Variants in FOXJ2 observed in about 807,000 individuals in gnomAD.
The protein encoded by FOXJ2 is forkhead box protein J2.
FOXJ2 carries 18 observed loss-of-function variants against 68.4 expected under a neutral mutation model. The observed-to-expected ratio is 0.26, with a 90% CI of 0.18 to 0.39. The LOEUF (loss-of-function observed/expected upper bound fraction) is 0.39, where lower values mean the gene tolerates loss of function less well. Ranked by LOEUF, FOXJ2 falls within the 10% of genes least tolerant of loss-of-function variation. FOXJ2 has a pLI of 1.00. For synonymous variants in FOXJ2, 274 were observed against 263.2 expected (o/e 1.04, Z -0.40); for missense variants, 670 against 726.5 (o/e 0.92, Z 0.89).
Position 8,040,012 on chromosome 12 carries a change from A to G in FOXJ2, c.180A>G (p.Ala60=). 6.2e-7 allele frequency: 1 copy of G among 1,614,144 alleles called. No homozygotes were observed. Among genetic ancestry groups the G allele is most frequent in the African/African-American group, 1.3e-5 (1 of 75,038 alleles). ...CCACCCTGAGCAAAGACGAGGCAGCAGTGCACCAGGACGGCAAGCCACGAT... is the reference window on the plus strand; with the variant it reads ...CCACCCTGAGCAAAGACGAGGCAGCGGTGCACCAGGACGGCAAGCCACGAT... ...PNATLSKDEA[A]VHQDGKPRYS... The change falls in exon 2 of 11, where the codon GCA becomes GCG. Residue 60 remains alanine (A), a synonymous_variant. Transcript: ENST00000162391. The surrounding 1 kb of genome is among the most constrained non-coding windows in gnomAD (Gnocchi z 4.0).
chr12:8,046,025 CTG>C (rs1414665738), intron 6 of FOXJ2, among the ~76,000 whole-genome samples: 1 of 152,154 alleles, frequency 6.6e-6, no homozygotes, highest in Non-Finnish European at 1.5e-5. Context: ...TGAACTAAAA[CTG>C]TTTGGAGTCA....
chr12:8,040,279 T>C lies in FOXJ2; in HGVS notation c.333+114T>C. On this transcript the variant is annotated intron_variant, in intron 2 of 10. Transcript: ENST00000162391. The surrounding 1 kb of genome is among the most constrained non-coding windows in gnomAD (Gnocchi z 4.0). ...AGTTTACTCTGGTTTGTCTCAGAGA[T>C]GTGAAAACTTAAAATCTCATATGTT... 2 of 1,128,114 alleles carry C rather than the reference T, an allele frequency of 1.8e-6. No individual in the cohort carries two copies. Among genetic ancestry groups the C allele is most frequent in the East Asian group, 4.9e-5 (2 of 41,064 alleles). 69.9% of individuals were successfully genotyped at this position (1,128,114 alleles called of 1,614,324 possible). A position where few individuals can be genotyped will look rare whatever the true frequency, so the allele number is the denominator to read the frequency against.
At chr12:8,050,190 A>C in intron 9 of FOXJ2, 1 of 335,502 alleles carries the variant, frequency 3.0e-6, no homozygotes, top group Non-Finnish European at 4.6e-6. Context: ...CGCCCAGGCT[A>C]TCTTCAAACT....
In FOXJ2 at chr12:8,044,792, A is replaced by G; in HGVS notation, c.651A>G (p.Ala217=). 1.9e-6 allele frequency: 3 copies of G among 1,613,964 alleles called. No homozygotes were observed. The highest frequency in any genetic ancestry group is 2.5e-6 in the Non-Finnish European group (3 of 1,179,862). The change falls in exon 6 of 11, where the codon GCA becomes GCG. Residue 217 remains alanine (A), a synonymous_variant. Coordinates refer to ENST00000162391, the MANE Select transcript of FOXJ2 (RefSeq NM_018416.3). ...GATCTGTGGATGGTGGAGCAGTGGC[A>G]GCAGGGGCTTCAGGCCGAGAAAGTG... ...GTGSVDGGAV[A]AGASGRESAE...
In FOXJ2 at chr12:8,048,560, G is replaced by A. The variant is rs779930645; in HGVS notation, c.1226-137G>A. ...TTTCCAGTCCTAAACTCCCAGGGAG[G>A]GAGAGTCCAAAACTTGGAAATGCAA... On this transcript the variant is annotated intron_variant, in intron 7 of 10. Transcript: ENST00000162391. 18 of 1,131,496 alleles carry A rather than the reference G, an allele frequency of 1.6e-5. No homozygotes were observed. The East Asian group carries it at 4.0e-4, about 25-fold the overall frequency. 70.1% of individuals were successfully genotyped at this position (1,131,496 alleles called of 1,614,324 possible).
At chr12:8,042,174 G>A (rs1946975605) in intron 2 of FOXJ2, among the ~76,000 whole-genome samples, 1 of 152,170 alleles carries the variant, frequency 6.6e-6, no homozygotes, top group African/African-American at 2.4e-5. Context: ...CACCACGCCT[G>A]ACCCCAACAC....
In FOXJ2 at chr12:8,035,232, A is replaced by G. The variant is rs976303836; in HGVS notation, c.-15+1399A>G. Among the ~76,000 whole-genome samples the G allele has an allele frequency of 2.0e-5, 3 of 152,170 alleles. No individual in the cohort carries two copies. The highest frequency in any genetic ancestry group is 7.2e-5 in the African/African-American group (3 of 41,420). On this transcript the variant is annotated intron_variant, in intron 1 of 10. Transcript: ENST00000162391. The surrounding 1 kb of genome is among the most constrained non-coding windows in gnomAD (Gnocchi z 4.0). The stretch of plus-strand genomic sequence containing the variant: ...GGAGACAGGTACTTATGTGCTTTTC[A>G]GACTATACTCCAGTTACCTAGAATT...
chr12:8,044,711 G>T, intron 5 of FOXJ2, 49 bp from the exon 6 acceptor site: 1 of 1,599,002 alleles, frequency 6.3e-7, no homozygotes, highest in Non-Finnish European at 8.5e-7. Flanking sequence ...GGGTTTTATT[G>T]GTCCCTCAGC....
chr12:8,040,468 C>G lies in FOXJ2; in HGVS notation c.333+303C>G, dbSNP rs1279534378. ...ACAGAGTCTCGTACTGTCGCCTGGGCTGGGGTGCAATGGCATGATCTCGGC... is the reference window on the plus strand; with the variant it reads ...ACAGAGTCTCGTACTGTCGCCTGGGGTGGGGTGCAATGGCATGATCTCGGC... On this transcript the variant is annotated intron_variant, in intron 2 of 10. Coordinates refer to ENST00000162391, the MANE Select transcript of FOXJ2 (RefSeq NM_018416.3). The surrounding 1 kb of genome is among the most constrained non-coding windows in gnomAD (Gnocchi z 4.0). Among the ~76,000 whole-genome samples, 2 of 151,624 alleles carry G rather than the reference C, an allele frequency of 1.3e-5. No homozygotes were observed. The highest frequency in any genetic ancestry group is 1.5e-5 in the Non-Finnish European group (1 of 67,940).
At position 8,042,723 on chromosome 12, in the gene FOXJ2, C is replaced by T. The variant is rs763533392; in HGVS notation, c.399C>T (p.Asp133=). The change falls in exon 3 of 11, where the codon GAC becomes GAT. Residue 133 remains aspartate, a synonymous_variant. Transcript: ENST00000162391. ...CFRKVPRPRD[D]PGKGSYWTID... ...GGAAGGTGCCCAGACCTCGGGATGA[C>T]CCTGGGAAGGTAAGATACTACTGTA... 4.3e-6 allele frequency: 7 copies of T among 1,613,464 alleles called. No individual in the cohort carries two copies. Among genetic ancestry groups the T allele is most frequent in the Non-Finnish European group, 5.1e-6 (6 of 1,179,598 alleles).
intron 8 of FOXJ2, 50 bp downstream of exon 8, chr12:8,048,848 C>A: frequency 6.7e-7 from 1 of 1,503,270 alleles, no homozygotes; most frequent in Non-Finnish European, 9.2e-7. Context: ...TAAGGGAAAA[C>A]CCAGTAGAAA....
chr12:8,052,788 G>T lies in FOXJ2; in HGVS notation c.1663G>T (p.Val555Leu), dbSNP rs1373287926. Residue 555 changes from valine to leucine, a missense_variant, in exon 11 of 11, where the codon GTG (valine) becomes TTG (leucine). By Grantham distance (32) the Val-to-Leu change is conservative (BLOSUM62 1). This residue lies in a region of FOXJ2 where 555 missense variants were observed against 562.2 expected (regional missense o/e 0.99). Coordinates refer to ENST00000162391, the MANE Select transcript of FOXJ2 (RefSeq NM_018416.3). ...ACACCATATGGTCCCTCGGCCATCA[G>T]TGCCACCTCCTGGTGCCAATGAGGA... ...PAHHMVPRPS[V>L]PPPGANEEIP... The T allele has an allele frequency of 1.2e-6, 2 of 1,610,732 alleles. No homozygotes were observed. Among genetic ancestry groups the T allele is most frequent in the African/African-American group, 1.3e-5 (1 of 74,836 alleles).
chr12:8,041,602 C>G (rs749604032), intron 2 of FOXJ2, among the ~76,000 whole-genome samples: 3 of 151,788 alleles, frequency 2.0e-5, no homozygotes, highest in Non-Finnish European at 4.4e-5. Flanking sequence ...CAGCTTGAAC[C>G]TGGGCTCAAG....
intron 2 of FOXJ2, 44 bp from the exon 3 acceptor site, chr12:8,042,614 C>T (rs1450876517): frequency 1.3e-6 from 2 of 1,523,264 alleles, no homozygotes; most frequent in Non-Finnish European, 1.8e-6. Context: ...AAATGTTCTG[C>T]TCTGCATAAT....
chr12:8,039,758 C>T (rs750922073), intron 1 of FOXJ2, 61 bp from the exon 2 acceptor site: 2 of 1,393,514 alleles, frequency 1.4e-6, no homozygotes, highest in African/African-American at 2.9e-5. Flanking sequence ...TTCCCTCAAA[C>T]AAAAGGATTT....
chr12:8,049,494 A>G lies in FOXJ2; in HGVS notation c.1460A>G (p.His487Arg). The change falls in exon 9 of 11, where the codon CAC becomes CGC. Residue 487 changes from histidine to arginine, a missense_variant. His to Arg is a conservative substitution (Grantham distance 29). Around this residue, in one of 2 missense-constraint regions of FOXJ2, gnomAD observed 555 missense variants for 562.2 expected, o/e 0.99. Transcript: ENST00000162391. ...CACGTGCCCCCTCAAGGGGGTACCC[A>G]CCGCCCACCAGCCCCTGCCCGTATT... ...TGHVPPQGGT[H>R]RPPAPARIAD... 6.2e-7 allele frequency: 1 copy of G among 1,613,938 alleles called. No homozygotes were observed. The highest frequency in any genetic ancestry group is 8.5e-7 in the Non-Finnish European group (1 of 1,179,928).
Position 8,052,938 on chromosome 12 carries a change from C to G in FOXJ2, c.*88C>G. The G allele has an allele frequency of 2.1e-6, 2 of 963,798 alleles. No individual in the cohort carries two copies. Among genetic ancestry groups the G allele is most frequent in the Non-Finnish European group, 3.2e-6 (2 of 618,438 alleles). The allele number at this position is 963,798 out of a possible 1,614,324, so 59.7% of individuals were successfully genotyped here. On this transcript the variant is annotated 3_prime_UTR_variant, in exon 11 of 11. Coordinates refer to ENST00000162391, the MANE Select transcript of FOXJ2 (RefSeq NM_018416.3). Reference sequence around the variant, plus strand: ...GCAACCCCAGCCCGTCCCTTCCCCCCGTCTGTATATAGACATATATCCTCT... The same window carrying G: ...GCAACCCCAGCCCGTCCCTTCCCCCGGTCTGTATATAGACATATATCCTCT...
At chr12:8,042,083 G>A (rs1007258687) in intron 2 of FOXJ2, among the ~76,000 whole-genome samples, 17 of 151,966 alleles carry the variant, frequency 1.1e-4, no homozygotes, top group African/African-American at 4.1e-4. Context: ...TCACCATGTC[G>A]GCTAGGCTGG....
chr12:8,048,182 G>C lies in FOXJ2; in HGVS notation c.1118G>C (p.Gly373Ala). Residue 373 changes from glycine to alanine, a missense_variant, in exon 7 of 11, where the codon GGA becomes GCA. Coordinates refer to ENST00000162391, the MANE Select transcript of FOXJ2 (RefSeq NM_018416.3). ...ATGCATCCACCCCCGCTGCAGCATG[G>C]AGGCTACCACCCTCATCAGCACCAT... ...MAMHPPPLQH[G>A]GYHPHQHHPH... 6.2e-7 allele frequency: 1 copy of C among 1,613,886 alleles called. No homozygotes were observed. The highest frequency in any genetic ancestry group is 8.5e-7 in the Non-Finnish European group (1 of 1,179,934).
Sources: gnomAD v4.1 joint callset for allele counts (sites outside exome capture counted in the v4.1 genomes callset) on GRCh38, gnomAD v4.1.1 for gene constraint, gnomAD v4.1.1 regional missense constraint, Gnocchi (gnomAD v3.1) non-coding constraint, MANE v1.5 for transcripts, NCBI Gene and HGNC (gene_info 2026-07-23, HGNC 2026-07-21) for gene names.